FAM169A: variants seen among roughly 807,000 people sequenced by gnomAD.
The protein encoded by FAM169A is family with sequence similarity 169 member A.
Under a neutral mutation model 75.7 loss-of-function variants are expected in FAM169A, and 24 were observed. The ratio of observed to expected loss-of-function variants is 0.32; its 90% CI spans 0.23 to 0.45. The LOEUF (loss-of-function observed/expected upper bound fraction) is 0.45. Among genes scored for constraint, FAM169A ranks in the 20% least tolerant of loss-of-function variants. The probability of loss-of-function intolerance (pLI) is 1.00; values close to 1 mark genes in which losing one functional copy is unlikely to be tolerated. For missense variants in FAM169A, 673 were observed against 784.0 expected (o/e 0.86, Z 1.69); for synonymous variants, 271 against 271.0 (o/e 1.00, Z 0.00).
At chr5:74,793,488 A>T (rs544253912) in intron 11 of FAM169A, among the ~76,000 whole-genome samples, 5 of 152,290 alleles carry the variant, frequency 3.3e-5, no homozygotes, top group African/African-American at 1.2e-4. Context: ...GTTCTCACTC[A>T]TAAGTGGGAG....
intron 1 of FAM169A, among the ~76,000 whole-genome samples, chr5:74,852,135 C>A (rs1379686261): frequency 6.6e-6 from 1 of 152,204 alleles, no homozygotes; most frequent in African/African-American, 2.4e-5. Flanking sequence ...TCTGCTGAGT[C>A]ACAATCCCCA....
At chr5:74,853,168 T>C (rs766083153) in intron 1 of FAM169A, among the ~76,000 whole-genome samples, 3 of 152,208 alleles carry the variant, frequency 2.0e-5, no homozygotes, top group South Asian at 2.1e-4. Flanking sequence ...CAAGCACTTA[T>C]AGCTTAGCTG....
At chr5:74,782,905 T>C (rs561439137) in intron 12 of FAM169A, 26 bp downstream of exon 12, 9 of 1,571,954 alleles carry the variant, frequency 5.7e-6, no homozygotes, top group African/African-American at 5.4e-5. Flanking sequence ...TAAACTTTAT[T>C]AAAAAATAGC....
At chr5:74,862,891 G>A (rs1406195054) in intron 1 of FAM169A, among the ~76,000 whole-genome samples, 1 of 152,108 alleles carries the variant, frequency 6.6e-6, no homozygotes, top group East Asian at 1.9e-4. Flanking sequence ...TAGACTCCGT[G>A]ACAGTAGGGC....
chr5:74,804,369 A>G, intron 8 of FAM169A, 124 bp downstream of exon 8: 1 of 420,334 alleles, frequency 2.4e-6, no homozygotes, highest in Non-Finnish European at 4.2e-6. Flanking sequence ...AAACTAACAC[A>G]GTAGAAATTA....
At chr5:74,796,217 G>A (rs1458639016) in intron 10 of FAM169A, 31 bp from the exon 11 acceptor site, 6 of 1,570,658 alleles carry the variant, frequency 3.8e-6, no homozygotes, top group Non-Finnish European at 4.3e-6. Flanking sequence ...ATTCTGACTT[G>A]TTTTATTAAG....
At chr5:74,862,121 C>T (rs1466156400) in intron 1 of FAM169A, among the ~76,000 whole-genome samples, 1 of 152,216 alleles carries the variant, frequency 6.6e-6, no homozygotes, top group African/African-American at 2.4e-5. Flanking sequence ...TGCTTCAAGG[C>T]TTTGCCAAGA....
At chr5:74,789,069 G>C (rs576484630) in intron 11 of FAM169A, among the ~76,000 whole-genome samples, 22 of 152,346 alleles carry the variant, frequency 1.4e-4, no homozygotes, top group African/African-American at 5.1e-4. Context: ...GGCAAGGCCA[G>C]CAACACACCT....
intron 1 of FAM169A, among the ~76,000 whole-genome samples, chr5:74,845,655 C>T (rs1223339263): frequency 6.6e-6 from 1 of 152,114 alleles, no homozygotes; most frequent in Non-Finnish European, 1.5e-5. Flanking sequence ...AAATTCATTT[C>T]AACTGTTAGT....
intron 4 of FAM169A, 81 bp from the exon 5 acceptor site, chr5:74,834,678 C>T (rs1248495315): frequency 5.3e-6 from 6 of 1,139,378 alleles, no homozygotes; most frequent in Non-Finnish European, 7.1e-6. Context: ...CTCCCTGCTC[C>T]CATACCTCAT....
intron 10 of FAM169A, chr5:74,799,551 C>T: frequency 6.6e-7 from 1 of 1,522,364 alleles, no homozygotes; most frequent in African/African-American, 1.4e-5. Flanking sequence ...TGCCCTGGGA[C>T]AGCAAGATGC....
chr5:74,826,425 C>T (rs1314603156), intron 5 of FAM169A, among the ~76,000 whole-genome samples: 1 of 152,162 alleles, frequency 6.6e-6, no homozygotes, highest in Non-Finnish European at 1.5e-5. Context: ...TGGCTGGAGC[C>T]TTTCCTAGGG....
intron 4 of FAM169A, among the ~76,000 whole-genome samples, chr5:74,837,172 C>A (rs1427274099): frequency 1.3e-5 from 2 of 152,156 alleles, no homozygotes; most frequent in African/African-American, 2.4e-5. Context: ...ATATGCCAAA[C>A]CTCAGTCATG....
chr5:74,785,998 G>C (rs550741099), intron 11 of FAM169A, among the ~76,000 whole-genome samples: 38 of 152,152 alleles, frequency 2.5e-4, no homozygotes, highest in Non-Finnish European at 3.7e-4. Context: ...AGAGGCAGAC[G>C]CACCCTCAAT....
chr5:74,806,692 G>T (rs952791914), intron 6 of FAM169A, among the ~76,000 whole-genome samples: 1 of 152,162 alleles, frequency 6.6e-6, no homozygotes, highest in Non-Finnish European at 1.5e-5. Context: ...AGTGACTACT[G>T]TATTGAACTG....
In FAM169A at chr5:74,799,736, G is replaced by A. The variant is rs1746463894; in HGVS notation, c.1103+1144C>T. On this transcript the variant is annotated intron_variant, in intron 10 of 12. Coordinates refer to ENST00000687041, the MANE Select transcript of FAM169A (RefSeq NM_001376049.1). ...TCAATCTGAAGACGGAGTTCCAGCT[G>A]CTCCTGAGTGTGTCATCTGTCTCAG... The A allele has an allele frequency of 2.6e-6, 3 of 1,158,210 alleles. No homozygotes were observed. The South Asian group carries it at 3.7e-5, about 14-fold the overall frequency. 71.7% of individuals were successfully genotyped at this position (1,158,210 alleles called of 1,614,324 possible).
At chr5:74,782,790 T>C in intron 12 of FAM169A, 141 bp downstream of exon 12, 1 of 524,088 alleles carries the variant, frequency 1.9e-6, no homozygotes, top group Non-Finnish European at 3.4e-6. Context: ...TTTCTTATAA[T>C]ATCAAATCTA....
At position 74,866,246 on chromosome 5, in the gene FAM169A, G is replaced by C; in HGVS notation, c.-85C>G. On this transcript the variant is annotated 5_prime_UTR_variant, in exon 1 of 13. Coordinates refer to ENST00000687041, the MANE Select transcript of FAM169A (RefSeq NM_001376049.1). ...GAATGAATGGAGCCGGCGGCTGCTC[G>C]CTGGCGACCTCCGGCCGGTCCCAGG... The C allele has an allele frequency of 1.0e-6, 1 of 983,688 alleles. No individual in the cohort carries two copies. The highest frequency in any genetic ancestry group is 1.2e-6 in the Non-Finnish European group (1 of 829,086). 60.9% of individuals were successfully genotyped at this position (983,688 alleles called of 1,614,324 possible). A position where few individuals can be genotyped will look rare whatever the true frequency, so the allele number is the denominator to read the frequency against.
intron 11 of FAM169A, among the ~76,000 whole-genome samples, chr5:74,785,222 G>A (rs1404589943): frequency 6.6e-6 from 1 of 152,014 alleles, no homozygotes; most frequent in Non-Finnish European, 1.5e-5. Context: ...GGGAGGCTGA[G>A]GCAGAGAATT....
Sources: allele counts gnomAD v4.1 joint callset (sites outside exome capture counted in the v4.1 genomes callset), GRCh38; gene constraint gnomAD v4.1.1; transcripts MANE v1.5; gene names NCBI Gene and HGNC (gene_info 2026-07-23, HGNC 2026-07-21).